Variants in CNTN5 observed in about 807,000 individuals in gnomAD.
CNTN5 encodes contactin 5.
CNTN5 carries 77 observed loss-of-function variants against 129.1 expected under a neutral mutation model. The ratio of observed to expected loss-of-function variants is 0.60; its 90% CI spans 0.50 to 0.72. CNTN5 has a LOEUF of 0.72. CNTN5 is among the 30% of genes least tolerant of loss of function. CNTN5 has a pLI of 0.00. For synonymous variants in CNTN5, 509 were observed against 465.6 expected (o/e 1.09, Z -1.20); for missense variants, 1,478 against 1,328.8 (o/e 1.11, Z -1.75).
At chr11:100,071,584 G>A in intron 11 of CNTN5, 121 bp from the exon 12 acceptor site, 1 of 575,088 alleles carries the variant, frequency 1.7e-6, no homozygotes, top group Non-Finnish European at 2.8e-6. Context: ...TTGCTAAGTG[G>A]CCAAATAATG....
intron 8 of CNTN5, among the ~76,000 whole-genome samples, chr11:99,993,497 C>T (rs549093775): frequency 3.9e-5 from 6 of 152,256 alleles, no homozygotes; most frequent in African/African-American, 1.4e-4. Context: ...GGGATGGTTT[C>T]AGGATGAAAC....
At chr11:99,345,641 G>C (rs867848129) in intron 2 of CNTN5, among the ~76,000 whole-genome samples, 1 of 152,158 alleles carries the variant, frequency 6.6e-6, no homozygotes, top group Non-Finnish European at 1.5e-5. Context: ...TCTAAAGAGC[G>C]TTAATACCTG....
intron 1 of CNTN5, among the ~76,000 whole-genome samples, chr11:99,025,993 G>A (rs1180752309): frequency 1.3e-5 from 2 of 151,580 alleles, no homozygotes; most frequent in African/African-American, 4.8e-5. Context: ...TGCAATATTT[G>A]TTGAGATACT....
intron 3 of CNTN5, among the ~76,000 whole-genome samples, chr11:99,709,655 T>G (rs1293778805): frequency 6.6e-6 from 1 of 151,886 alleles, no homozygotes; most frequent in Middle Eastern, 3.2e-3. Flanking sequence ...CAATTGCAAA[T>G]TAACAGGTTT....
rs1184983305 is a variant in CNTN5, at chr11:100,227,680, T to C, written c.2005+2868T>C. Among the ~76,000 whole-genome samples the C allele has an allele frequency of 4.6e-5, 7 of 152,206 alleles. No homozygotes were observed. The East Asian group carries it at 1.3e-3, about 29-fold the overall frequency. On this transcript the variant is annotated intron_variant, in intron 16 of 24. Coordinates refer to ENST00000524871, the MANE Select transcript of CNTN5 (RefSeq NM_014361.4). ...GAGAACCATAATAGAATGAATATGT[T>C]AGAAAAAATTATTTTGCTGAAATAT... is the stretch of plus-strand genomic sequence containing the variant.
chr11:100,259,232 A>T (rs780450373), intron 17 of CNTN5, among the ~76,000 whole-genome samples: 4 of 152,208 alleles, frequency 2.6e-5, no homozygotes, highest in Non-Finnish European at 5.9e-5. Context: ...GATCAATGCA[A>T]AAAGAAGAGC....
At chr11:100,047,155 A>G (rs1942724764) in intron 9 of CNTN5, among the ~76,000 whole-genome samples, 1 of 152,156 alleles carries the variant, frequency 6.6e-6, no homozygotes, top group Non-Finnish European at 1.5e-5. Context: ...CTAGTAGAGA[A>G]GGAACAAAAA....
chr11:99,294,064 A>G (rs1864282752), intron 1 of CNTN5, among the ~76,000 whole-genome samples: 1 of 151,850 alleles, frequency 6.6e-6, no homozygotes, highest in Non-Finnish European at 1.5e-5. Flanking sequence ...AACTTTCTTC[A>G]TAGTACTGCT....
intron 1 of CNTN5, among the ~76,000 whole-genome samples, chr11:99,259,921 T>C (rs1174600448): frequency 6.6e-6 from 1 of 151,908 alleles, no homozygotes; most frequent in African/African-American, 2.4e-5. Context: ...TTGGTCACTC[T>C]GTAAACTGTC....
At chr11:99,623,745 A>AC (rs1951033803) in intron 3 of CNTN5, among the ~76,000 whole-genome samples, 1 of 151,532 alleles carries the variant, frequency 6.6e-6, no homozygotes, top group Non-Finnish European at 1.5e-5. Flanking sequence ...AAGATACAAA[A>AC]AATAAAAAAA....
chr11:99,728,142 G>C (rs956179006), intron 3 of CNTN5, among the ~76,000 whole-genome samples: 1 of 152,082 alleles, frequency 6.6e-6, no homozygotes, highest in African/African-American at 2.4e-5. Context: ...TTAAGAGTAC[G>C]TTGCAAAAAA....
chr11:99,698,747 T>C, intron 3 of CNTN5, among the ~76,000 whole-genome samples: 1 of 151,126 alleles, frequency 6.6e-6, no homozygotes, highest in Non-Finnish European at 1.5e-5. Context: ...TTTTCCCACA[T>C]CATAAAATTA....
chr11:100,234,020 A>G (rs1307532307), intron 16 of CNTN5, among the ~76,000 whole-genome samples: 1 of 152,230 alleles, frequency 6.6e-6, no homozygotes, highest in African/African-American at 2.4e-5. Flanking sequence ...GAAGATATTT[A>G]TGCAGCCAAC....
At chr11:99,647,852 A>G (rs1409177368) in intron 3 of CNTN5, among the ~76,000 whole-genome samples, 1 of 151,942 alleles carries the variant, frequency 6.6e-6, no homozygotes, top group Non-Finnish European at 1.5e-5. Flanking sequence ...TGTGTATAGA[A>G]ACACTGTTGA....
chr11:99,085,750 T>C (rs550106471), intron 1 of CNTN5, among the ~76,000 whole-genome samples: 1 of 152,352 alleles, frequency 6.6e-6, no homozygotes, highest in South Asian at 2.1e-4. Flanking sequence ...ACAATAATGC[T>C]GAATAATAAC....
At chr11:99,691,673 G>A (rs1230204677) in intron 3 of CNTN5, among the ~76,000 whole-genome samples, 1 of 152,104 alleles carries the variant, frequency 6.6e-6, no homozygotes, top group Admixed American at 6.6e-5. Flanking sequence ...TTCTGAATAT[G>A]TGAACAGTTT....
At chr11:100,284,233 C>T (rs950712379) in intron 18 of CNTN5, among the ~76,000 whole-genome samples, 4 of 152,190 alleles carry the variant, frequency 2.6e-5, no homozygotes, top group Admixed American at 1.3e-4. Context: ...TGTGAGTGCT[C>T]ACCTGATTTT....
chr11:99,892,688 A>T (rs1591374962), intron 6 of CNTN5, among the ~76,000 whole-genome samples: 1 of 151,880 alleles, frequency 6.6e-6, no homozygotes, highest in South Asian at 2.1e-4. Flanking sequence ...TGGTCTATAT[A>T]TCTGTGTTGG....
At chr11:99,786,394 G>A (rs1026638830) in intron 3 of CNTN5, among the ~76,000 whole-genome samples, 2 of 151,654 alleles carry the variant, frequency 1.3e-5, no homozygotes, top group East Asian at 2.1e-4. Flanking sequence ...CCCATGGATA[G>A]GAAGAATCAA....
Sources: allele counts gnomAD v4.1 joint callset (sites outside exome capture counted in the v4.1 genomes callset), GRCh38; gene constraint gnomAD v4.1.1; transcripts MANE v1.5; gene names NCBI Gene and HGNC (gene_info 2026-07-23, HGNC 2026-07-21).